Variants in FHOD3 observed in about 807,000 individuals in gnomAD.
FHOD3 encodes the protein FH1/FH2 domain-containing protein 3.
In FHOD3, 90 loss-of-function variants were observed where a neutral mutation model predicts 173.0. The ratio of observed to expected loss-of-function variants is 0.52; its 90% CI spans 0.44 to 0.62. The LOEUF (loss-of-function observed/expected upper bound fraction) is 0.62, where lower values mean the gene tolerates loss of function less well. Ranked by LOEUF, FHOD3 falls within the 20% of genes least tolerant of loss-of-function variation. The probability of loss-of-function intolerance (pLI) is 0.00; values close to 1 mark genes in which losing one functional copy is unlikely to be tolerated. For missense variants in FHOD3, 1,945 were observed against 2,034.7 expected, an observed-to-expected ratio of 0.96 and a Z score of 0.85; for synonymous variants, 828 against 823.0, an observed-to-expected ratio of 1.01 and a Z score of -0.10.
chr18:36,583,063 G>A (rs1295419539), intron 6 of FHOD3, among the ~76,000 whole-genome samples: 1 of 152,176 alleles, frequency 6.6e-6, no homozygotes, highest in Non-Finnish European at 1.5e-5. Flanking sequence ...AAATGAATAA[G>A]CAGATCTTCC....
intron 10 of FHOD3, among the ~76,000 whole-genome samples, chr18:36,634,608 C>T (rs1250288882): frequency 6.6e-6 from 1 of 152,106 alleles, no homozygotes; most frequent in African/African-American, 2.4e-5. Context: ...ACTCAGGTGA[C>T]CTGCTCAGCC....
intron 3 of FHOD3, among the ~76,000 whole-genome samples, chr18:36,395,497 T>C (rs2048514049): frequency 6.6e-6 from 1 of 152,202 alleles, no homozygotes; most frequent in African/African-American, 2.4e-5. Flanking sequence ...CATTCTCGAG[T>C]TGGGGAGTCT....
At chr18:36,689,065 C>T (rs671303) in intron 16 of FHOD3, among the ~76,000 whole-genome samples, 100,285 of 152,042 alleles carry the variant, frequency 0.66, 33,192 homozygotes, top group African/African-American at 0.67. Flanking sequence ...GAAGCAGGCA[C>T]GCATTTTCCT....
At chr18:36,442,463 T>C (rs1199450977) in intron 3 of FHOD3, among the ~76,000 whole-genome samples, 2 of 152,236 alleles carry the variant, frequency 1.3e-5, no homozygotes, top group Non-Finnish European at 2.9e-5. Context: ...TTTGGACTTC[T>C]CAGGATTGAC....
rs533605308 is a variant in FHOD3, at chr18:36,307,050, A to G, written c.165+9050A>G. On this transcript the variant is annotated intron_variant, in intron 1 of 28. Coordinates refer to ENST00000590592, the MANE Select transcript of FHOD3 (RefSeq NM_001281740.3). Reference sequence around the variant, plus strand: ...ACAGTCTCGGTTCACTGCAACCTCCACTTTCCAGGTTCAAGCAATTCCCCT... The same window carrying G: ...ACAGTCTCGGTTCACTGCAACCTCCGCTTTCCAGGTTCAAGCAATTCCCCT... 3.3e-5 allele frequency among the ~76,000 whole-genome samples: 5 copies of G among 152,180 alleles called. No individual in the cohort carries two copies. In the South Asian group the frequency reaches 6.2e-4, roughly 19 times the overall value.
At chr18:36,336,410 A>G (rs1359356830) in intron 1 of FHOD3, among the ~76,000 whole-genome samples, 1 of 152,226 alleles carries the variant, frequency 6.6e-6, no homozygotes, top group African/African-American at 2.4e-5. Flanking sequence ...CTAGATCCCA[A>G]TAAGATGGTG....
intron 1 of FHOD3, among the ~76,000 whole-genome samples, chr18:36,319,148 C>T (rs1403865798): frequency 1.3e-5 from 2 of 152,082 alleles, no homozygotes; most frequent in Non-Finnish European, 2.9e-5. Context: ...AGGATTTTTG[C>T]ATCGATGTTC....
At chr18:36,682,908 G>A (rs1254055199) in intron 15 of FHOD3, among the ~76,000 whole-genome samples, 1 of 152,204 alleles carries the variant, frequency 6.6e-6, no homozygotes, top group Non-Finnish European at 1.5e-5. Flanking sequence ...AAGCCAAGAA[G>A]TATATGTGTA....
intron 3 of FHOD3, among the ~76,000 whole-genome samples, chr18:36,412,264 T>G (rs779746277): frequency 7.2e-5 from 11 of 152,210 alleles, no homozygotes; most frequent in Non-Finnish European, 1.5e-4. Context: ...AAGTCCCTTC[T>G]GTATATATGT....
rs1465774220 is a variant in FHOD3 at position 36,618,310 on chromosome 18, G to GTTTTTTTTTTTTTTTTTTTT, written c.957+6215_957+6216insTTTTTTTTTTTTTTTTTTTT. Among the ~76,000 whole-genome samples, 3 of 85,226 alleles carry GTTTTTTTTTTTTTTTTTTTT rather than the reference G, an allele frequency of 3.5e-5. 1 individual carries two copies. The highest frequency in any genetic ancestry group is 8.1e-5 in the African/African-American group (2 of 24,666). 55.9% of individuals were successfully genotyped at this position (85,226 alleles called of 152,430 possible). A position where few individuals can be genotyped will look rare whatever the true frequency, so the allele number is the denominator to read the frequency against. ...CCATTTGGTAATGATGTTTTTTGGT[G>GTTTTTTTTTTTTTTTTTTTT]GTTTTTTTTTTTTTTTTTTTTTTGA... is the stretch of plus-strand genomic sequence containing the variant. On this transcript the variant is annotated intron_variant, in intron 9 of 28. Coordinates refer to ENST00000590592, the MANE Select transcript of FHOD3 (RefSeq NM_001281740.3).
At chr18:36,450,378 G>A (rs779919157) in intron 3 of FHOD3, among the ~76,000 whole-genome samples, 1 of 152,094 alleles carries the variant, frequency 6.6e-6, no homozygotes, top group Admixed American at 6.5e-5. Flanking sequence ...GGCCATTCCT[G>A]GGGTTTTAAA....
chr18:36,767,838 A>G (rs1397646744), intron 27 of FHOD3, among the ~76,000 whole-genome samples: 1 of 152,164 alleles, frequency 6.6e-6, no homozygotes, highest in Non-Finnish European at 1.5e-5. Context: ...ACACACACAT[A>G]TATATGAAAA....
chr18:36,378,907 A>G (rs1298794908), intron 3 of FHOD3, among the ~76,000 whole-genome samples: 1 of 152,094 alleles, frequency 6.6e-6, no homozygotes, highest in African/African-American at 2.4e-5. Context: ...CTGGTCTTGA[A>G]TTCCTGACCT....
At chr18:36,497,346 G>A (rs779771858) in intron 3 of FHOD3, among the ~76,000 whole-genome samples, 1 of 152,194 alleles carries the variant, frequency 6.6e-6, no homozygotes, top group African/African-American at 2.4e-5. Flanking sequence ...TTGAGATGGC[G>A]TCAGAACCTG....
At chr18:36,571,431 C>G (rs540610326) in intron 5 of FHOD3, among the ~76,000 whole-genome samples, 5 of 152,286 alleles carry the variant, frequency 3.3e-5, no homozygotes, top group African/African-American at 1.2e-4. Context: ...GAAGATTCAG[C>G]AGAGTAAAGA....
At chr18:36,509,090 C>T (rs12967652) in intron 4 of FHOD3, among the ~76,000 whole-genome samples, 7,982 of 152,220 alleles carry the variant, frequency 0.052, 447 homozygotes, top group East Asian at 0.29. Context: ...GTGTAACCAA[C>T]AAAATCTGGA....
At chr18:36,327,816 T>C (rs1365410362) in intron 1 of FHOD3, among the ~76,000 whole-genome samples, 1 of 152,262 alleles carries the variant, frequency 6.6e-6, no homozygotes, top group African/African-American at 2.4e-5. Flanking sequence ...TTAGGCTTTG[T>C]GGACCATACA....
chr18:36,547,081 C>T (rs1012848906), intron 5 of FHOD3, among the ~76,000 whole-genome samples: 5 of 152,218 alleles, frequency 3.3e-5, no homozygotes, highest in African/African-American at 1.2e-4. Context: ...GTCCTGCATC[C>T]TGGCCCTGTG....
intron 3 of FHOD3, among the ~76,000 whole-genome samples, chr18:36,427,286 T>TAAAA (rs35854743): frequency 3.8e-4 from 30 of 79,482 alleles, no homozygotes; most frequent in African/African-American, 7.7e-4. Flanking sequence ...CTTGCTTCTC[T>TAAAA]AAAAAAAAAA....
Sources: allele counts gnomAD v4.1 joint callset (sites outside exome capture counted in the v4.1 genomes callset), GRCh38; gene constraint gnomAD v4.1.1; transcripts MANE v1.5; gene names NCBI Gene and HGNC (gene_info 2026-07-23, HGNC 2026-07-21).